Variants in FTL observed in about 807,000 individuals in gnomAD.
FTL encodes the protein epididymis secretory sperm binding protein.
A neutral mutation model predicts 16.6 loss-of-function variants in FTL; 17 were observed. The ratio of observed to expected loss-of-function variants is 1.02; its 90% CI spans 0.70 to 1.53. The LOEUF (loss-of-function observed/expected upper bound fraction) is 1.53. Among genes scored for constraint, FTL ranks in the 40% most tolerant of loss-of-function variants. FTL has a pLI of 0.00. For missense variants in FTL, 186 were observed against 226.1 expected, an observed-to-expected ratio of 0.82 and a Z score of 1.14; for synonymous variants, 73 against 89.9, an observed-to-expected ratio of 0.81 and a Z score of 1.06.
chr19:48,965,959 G>C lies in FTL; in HGVS notation c.249+43G>C, dbSNP rs140111419. ...AATGGACTACATCTCCCAGCAGGCC[G>C]TGCGCGCGAGGAGCCTTGATTTGAG... is the stretch of plus-strand genomic sequence containing the variant. On this transcript the variant is annotated intron_variant, in intron 2 of 3. Coordinates refer to ENST00000331825, the MANE Select transcript of FTL (RefSeq NM_000146.4). The C allele has an allele frequency of 1.7e-5, 27 of 1,606,896 alleles. No homozygotes were observed. The South Asian group carries it at 3.0e-4, about 18-fold the overall frequency.
At chr19:48,965,730 G>T (rs751118026) in intron 1 of FTL, 40 bp from the exon 2 acceptor site, 1 of 1,613,814 alleles carries the variant, frequency 6.2e-7, no homozygotes, top group Non-Finnish European at 8.5e-7. Flanking sequence ...CCTTGGCCTC[G>T]CCTCCCGCTA....
rs746757762 is a variant in FTL, at chr19:48,965,460, G to A, written c.-48G>A. ...CTTCTCGGCCATCTCCTGCTTCTGG[G>A]ACCTGCCAGCACCGTTTTTGTGGTT... On this transcript the variant is annotated 5_prime_UTR_variant, in exon 1 of 4. Transcript: ENST00000331825. The A allele has an allele frequency of 3.1e-6, 4 of 1,301,166 alleles. No homozygotes were observed. Among genetic ancestry groups the A allele is most frequent in the Non-Finnish European group, 1.1e-6 (1 of 902,490 alleles). The allele number at this position is 1,301,166 out of a possible 1,614,324, so 80.6% of individuals were successfully genotyped here.
rs749884917 is a variant in FTL at position 48,965,585 on chromosome 19, G to A, written c.78G>A (p.Gln26=). The A allele has an allele frequency of 3.1e-6, 5 of 1,613,838 alleles. No homozygotes were observed. The highest frequency in any genetic ancestry group is 4.2e-6 in the Non-Finnish European group (5 of 1,179,758). ...ACAGCCTGGTCAATTTGTACCTGCA[G>A]GCCTCCTACACCTACCTCTCTCTGG... is the stretch of plus-strand genomic sequence containing the variant. The part of the protein sequence containing the change: ...AVNSLVNLYL[Q]ASYTYLSLGF... Residue 26 remains glutamine, a synonymous_variant, in exon 1 of 4, where the codon CAG becomes CAA. Coordinates refer to ENST00000331825, the MANE Select transcript of FTL (RefSeq NM_000146.4).
chr19:48,966,452 C>A (rs1366813575), intron 3 of FTL, 46 bp downstream of exon 3: 22 of 1,614,120 alleles, frequency 1.4e-5, no homozygotes, highest in Non-Finnish European at 1.9e-5. Flanking sequence ...ACCCCTCAAG[C>A]CTCTGCTCCC....
chr19:48,965,517 C>T lies in FTL; in HGVS notation c.10C>T (p.Gln4Ter), dbSNP rs768011218. 1 of 1,613,494 alleles carries T rather than the reference C, an allele frequency of 6.2e-7. No individual in the cohort carries two copies. ...TTCTTGCCAACCAACCATGAGCTCC[C>T]AGATTCGTCAGAATTATTCCACCGA... MSS[Q>*]IRQNYSTDVE... Residue 4 changes from glutamine to a stop codon, truncating the protein, a stop_gained, in exon 1 of 4, where the codon CAG becomes TAG. Transcript: ENST00000331825. LOFTEE classifies it high-confidence loss of function.
Position 48,965,627 on chromosome 19 carries a change from C to T in FTL, c.102+18C>T, listed in dbSNP as rs2122431055. The T allele has an allele frequency of 1.2e-6, 2 of 1,606,060 alleles. No individual in the cohort carries two copies. The highest frequency in any genetic ancestry group is 1.7e-6 in the Non-Finnish European group (2 of 1,172,670). Reference sequence around the variant, plus strand: ...TCTCTCTGGTGAGTCCCCAGGACGCCCCTGGCCCTAATTTCCTCCAGCTGC... The same window carrying T: ...TCTCTCTGGTGAGTCCCCAGGACGCTCCTGGCCCTAATTTCCTCCAGCTGC... On this transcript the variant is annotated intron_variant, in intron 1 of 3. Transcript: ENST00000331825.
At chr19:48,966,530 C>A (rs992824173) in intron 3 of FTL, 53 bp from the exon 4 acceptor site, 1 of 1,612,356 alleles carries the variant, frequency 6.2e-7, no homozygotes, top group South Asian at 1.1e-5. Context: ...TGGCTGCTCT[C>A]TCCCCCTCTT....
intron 2 of FTL, 81 bp downstream of exon 2, chr19:48,965,997 G>A (rs1305818473): frequency 1.9e-6 from 3 of 1,542,388 alleles, no homozygotes; most frequent in Non-Finnish European, 8.8e-7. Flanking sequence ...CGTAGGTGTC[G>A]CGTGGGCTTC....
chr19:48,966,015 T>C (rs746459000), intron 2 of FTL, 99 bp downstream of exon 2: 1 of 1,475,384 alleles, frequency 6.8e-7, no homozygotes, highest in Admixed American at 1.9e-5. Context: ...TTCTGGGAGA[T>C]TGAGTTCGGT....
Position 48,966,391 on chromosome 19 carries a change from C to A in FTL, c.360C>A (p.Ala120=). 1 of 1,614,108 alleles carries A rather than the reference C, an allele frequency of 6.2e-7. No homozygotes were observed. The change falls in exon 3 of 4, where the codon GCC becomes GCA. Residue 120 remains alanine (A), a synonymous_variant. Transcript: ENST00000331825. Reference sequence around the variant, plus strand: ...TGGATCTTCATGCCCTGGGTTCTGCCCGCACGGACCCCCATGTACGTACCC... The same window carrying A: ...TGGATCTTCATGCCCTGGGTTCTGCACGCACGGACCCCCATGTACGTACCC... ...ALLDLHALGS[A]RTDPHLCDFL...
At position 48,966,749 on chromosome 19, in the gene FTL, C is replaced by T; in HGVS notation, c.*14C>T. 6.2e-7 allele frequency: 1 copy of T among 1,612,300 alleles called. No homozygotes were observed. The highest frequency in any genetic ancestry group is 8.5e-7 in the Non-Finnish European group (1 of 1,179,840). On this transcript the variant is annotated 3_prime_UTR_variant, in exon 4 of 4. Transcript: ENST00000331825. ...AAGCACGACTAAGAGCCTTCTGAGC[C>T]CAGCGACTTCTGAAGGGCCCCTTGC... is the stretch of plus-strand genomic sequence containing the variant.
At chr19:48,965,644 T>A in intron 1 of FTL, 35 bp downstream of exon 1, 1 of 1,602,584 alleles carries the variant, frequency 6.2e-7, no homozygotes, top group Non-Finnish European at 8.6e-7. Flanking sequence ...CCTAATTTCC[T>A]CCAGCTGCGC....
Position 48,965,512 on chromosome 19 carries a change from G to T in FTL, c.5G>T (p.Ser2Ile), listed in dbSNP as rs1291835902. Reference protein sequence around the residue: MSSQIRQNYSTD... With the variant: MISQIRQNYSTD... The stretch of plus-strand genomic sequence containing the variant: ...GCTCCTTCTTGCCAACCAACCATGA[G>T]CTCCCAGATTCGTCAGAATTATTCC... The change falls in exon 1 of 4, where the codon AGC (serine) becomes ATC (isoleucine). Residue 2 changes from serine to isoleucine, a missense_variant. Transcript: ENST00000331825. The T allele has an allele frequency of 6.2e-7, 1 of 1,612,724 alleles. No homozygotes were observed. The highest frequency in any genetic ancestry group is 2.2e-5 in the East Asian group (1 of 44,888).
Position 48,966,716 on chromosome 19 carries a change from TCA to T in FTL, c.511_512del (p.Thr171SerfsTer9). ...CTGGGCGAGTATCTCTTCGAAAGGC[TCA>T]CTCTCAAGCACGACTAAGAGCCTTC... is the stretch of plus-strand genomic sequence containing the variant. On this transcript the variant is annotated frameshift_variant, in exon 4 of 4. Coordinates refer to ENST00000331825, the MANE Select transcript of FTL (RefSeq NM_000146.4). The T allele has an allele frequency of 6.2e-7, 1 of 1,613,240 alleles. No individual in the cohort carries two copies. Among genetic ancestry groups the T allele is most frequent in the Non-Finnish European group, 8.5e-7 (1 of 1,179,950 alleles).
intron 2 of FTL, 106 bp downstream of exon 2, chr19:48,966,022 C>T (rs761784396): frequency 1.4e-6 from 2 of 1,445,494 alleles, no homozygotes; most frequent in Admixed American, 1.9e-5. Context: ...AGATTGAGTT[C>T]GGTCTTGTGA....
rs1185443039 is a variant in FTL at position 48,966,711 on chromosome 19, A to G, written c.504A>G (p.Glu168=). ...PEAGLGEYLF[E]RLTLKHD ...CTGGGCTGGGCGAGTATCTCTTCGA[A>G]AGGCTCACTCTCAAGCACGACTAAG... Residue 168 remains glutamate, a synonymous_variant, in exon 4 of 4, where the codon GAA becomes GAG. Transcript: ENST00000331825. 2.5e-6 allele frequency: 4 copies of G among 1,613,262 alleles called. No homozygotes were observed. In the African/African-American group the frequency reaches 5.3e-5, roughly 22 times the overall value.
chr19:48,966,436 A>G (rs766860152), intron 3 of FTL, 30 bp downstream of exon 3: 4 of 1,613,914 alleles, frequency 2.5e-6, no homozygotes, highest in Non-Finnish European at 3.4e-6. Context: ...ATGGCTACCC[A>G]ACCATACCCC....
In FTL at chr19:48,966,691, C is replaced by T. The variant is rs746870331; in HGVS notation, c.484C>T (p.Leu162=). The T allele has an allele frequency of 6.2e-7, 1 of 1,613,764 alleles. No individual in the cohort carries two copies. Among genetic ancestry groups the T allele is most frequent in the Non-Finnish European group, 8.5e-7 (1 of 1,180,022 alleles). The change falls in exon 4 of 4, where the codon CTG becomes TTG. Residue 162 remains leucine, a synonymous_variant. Coordinates refer to ENST00000331825, the MANE Select transcript of FTL (RefSeq NM_000146.4). ...CAGGCTGGGTGGCCCGGAGGCTGGG[C>T]TGGGCGAGTATCTCTTCGAAAGGCT... The part of the protein sequence containing the change: ...LHRLGGPEAG[L]GEYLFERLTL...
chr19:48,965,985 G>C (rs1339173186), intron 2 of FTL, 69 bp downstream of exon 2: 2 of 1,574,930 alleles, frequency 1.3e-6, no homozygotes, highest in East Asian at 2.3e-5. Context: ...TTGATTTGAG[G>C]GCGTAGGTGT....
Sources: allele counts gnomAD v4.1 joint callset, GRCh38; gene constraint gnomAD v4.1.1; transcripts MANE v1.5; gene names NCBI Gene and HGNC (gene_info 2026-07-23, HGNC 2026-07-21).